PACSIN1: variants seen among roughly 807,000 people sequenced by gnomAD.
The protein encoded by PACSIN1 is protein kinase C and casein kinase substrate in neurons 1, also known as protein kinase C and casein kinase substrate in neurons protein 1.
PACSIN1 carries 15 observed loss-of-function variants against 59.5 expected under a neutral mutation model. The ratio of observed to expected loss-of-function variants is 0.25; its 90% CI spans 0.17 to 0.39. The LOEUF (loss-of-function observed/expected upper bound fraction) is 0.39. PACSIN1 is among the 10% of genes least tolerant of loss of function. The probability of loss-of-function intolerance (pLI) is 1.00; values close to 1 mark genes in which losing one functional copy is unlikely to be tolerated. For synonymous variants in PACSIN1, 210 were observed against 220.6 expected, an observed-to-expected ratio of 0.95 and a Z score of 0.42; for missense variants, 420 against 580.2, an observed-to-expected ratio of 0.72 and a Z score of 2.84.
At chr6:34,481,610 C>T (rs1392918202) in intron 1 of PACSIN1, among the ~76,000 whole-genome samples, 2 of 151,304 alleles carry the variant, frequency 1.3e-5, no homozygotes, top group African/African-American at 2.4e-5. Context: ...GTGGAGCTTG[C>T]AGTGAGCCGA....
chr6:34,520,797 G>A (rs892667655), intron 1 of PACSIN1, among the ~76,000 whole-genome samples: 2 of 152,142 alleles, frequency 1.3e-5, no homozygotes, highest in Non-Finnish European at 2.9e-5. Flanking sequence ...GGCTGACCAA[G>A]AGGAGGGAAG....
chr6:34,477,526 G>T (rs1210705485), intron 1 of PACSIN1, among the ~76,000 whole-genome samples: 1 of 152,072 alleles, frequency 6.6e-6, no homozygotes, highest in Admixed American at 6.5e-5. Flanking sequence ...AAAGATGAGG[G>T]CCCCTGAGGG....
rs4713808 is a variant in PACSIN1, at chr6:34,515,238, T to C, written c.-63-11005T>C. On this transcript the variant is annotated intron_variant, in intron 1 of 9. Coordinates refer to ENST00000244458, the MANE Select transcript of PACSIN1 (RefSeq NM_020804.5). The surrounding 1 kb of genome is among the most constrained non-coding windows in gnomAD (Gnocchi z 4.4). ...GCGCAGCCAGCATCCTGAGAGGTCT[T>C]GTCAGAACCGTCAGAACCTTGATCC... is the stretch of plus-strand genomic sequence containing the variant. Among the ~76,000 whole-genome samples, 65,346 of 152,078 alleles carry C rather than the reference T, an allele frequency of 0.43. 15,448 individuals are homozygous for C. The highest frequency in any genetic ancestry group is 0.59 in the Middle Eastern group (172 of 294).
Position 34,521,630 on chromosome 6 carries a change from C to T in PACSIN1, c.-63-4613C>T, listed in dbSNP as rs1581982790. Among the ~76,000 whole-genome samples the T allele has an allele frequency of 6.6e-6, 1 of 152,290 alleles. No homozygotes were observed. The highest frequency in any genetic ancestry group is 2.4e-5 in the African/African-American group (1 of 41,560). On this transcript the variant is annotated intron_variant, in intron 1 of 9. Transcript: ENST00000244458. The surrounding 1 kb of genome is among the most constrained non-coding windows in gnomAD (Gnocchi z 4.3). ...TGCACTTCACAGGCTGCATCATCCT[C>T]ATGGACAAGAAAGGCAAGACCCTTC...
chr6:34,528,334 C>A (rs1159428915), intron 3 of PACSIN1, among the ~76,000 whole-genome samples: 1 of 152,192 alleles, frequency 6.6e-6, no homozygotes. Context: ...TCCAGGCTGC[C>A]CCCCTCCGAC....
rs909105929 is a variant in PACSIN1, at chr6:34,525,120, T to C, written c.-63-1123T>C. Among the ~76,000 whole-genome samples, 1 of 152,222 alleles carries C rather than the reference T, an allele frequency of 6.6e-6. No individual in the cohort carries two copies. Among genetic ancestry groups the C allele is most frequent in the African/African-American group, 2.4e-5 (1 of 41,446 alleles). On this transcript the variant is annotated intron_variant, in intron 1 of 9. Transcript: ENST00000244458. The surrounding 1 kb of genome is among the most constrained non-coding windows in gnomAD (Gnocchi z 4.9). ...AAGTTAAGAAAAGAAAAATTCAGAC[T>C]CATTTCTTTGTCCCTTGATGAAATC...
chr6:34,489,641 A>G (rs115679811), intron 1 of PACSIN1, among the ~76,000 whole-genome samples: 5 of 152,270 alleles, frequency 3.3e-5, no homozygotes, highest in African/African-American at 1.2e-4. Flanking sequence ...GGGACCAGTG[A>G]GACTACCACT....
Position 34,513,919 on chromosome 6 carries a change from C to T in PACSIN1, c.-63-12324C>T, listed in dbSNP as rs79027275. ...CTTCTACTCCCATCCCTGAACCCTGCTCATGAGGCTAGCACCAGGGCTTGT... is the reference window on the plus strand; with the variant it reads ...CTTCTACTCCCATCCCTGAACCCTGTTCATGAGGCTAGCACCAGGGCTTGT... On this transcript the variant is annotated intron_variant, in intron 1 of 9. Transcript: ENST00000244458. 6.8e-3 allele frequency among the ~76,000 whole-genome samples: 1,032 copies of T among 152,290 alleles called. 13 individuals are homozygous for T. Among genetic ancestry groups the T allele is most frequent in the African/African-American group, 0.02 (825 of 41,540 alleles).
At chr6:34,476,515 G>T (rs1561955172) in intron 1 of PACSIN1, among the ~76,000 whole-genome samples, 1 of 152,056 alleles carries the variant, frequency 6.6e-6, no homozygotes, top group Non-Finnish European at 1.5e-5. Context: ...TGCTCCCCAG[G>T]TGTTGGATGA....
intron 1 of PACSIN1, among the ~76,000 whole-genome samples, chr6:34,523,100 T>C (rs1767425358): frequency 6.6e-6 from 1 of 152,216 alleles, no homozygotes; most frequent in Non-Finnish European, 1.5e-5. Flanking sequence ...ATCATCACAC[T>C]GAGCAACCTT....
rs1470546134 is a variant in PACSIN1 at position 34,528,841 on chromosome 6, C to T, written c.420C>T (p.Arg140=). Residue 140 remains arginine (R), a synonymous_variant, in exon 4 of 10, where the codon CGC becomes CGT. Transcript: ENST00000244458. ...KETKEAEDGF[R]KAQKPWAKKM... is the part of the protein sequence containing the mutation. ...CGAAGGAGGCTGAAGATGGCTTCCGCAAGGCCCAGAAGCCTTGGGCCAAGA... is the reference window on the plus strand; with the variant it reads ...CGAAGGAGGCTGAAGATGGCTTCCGTAAGGCCCAGAAGCCTTGGGCCAAGA... 1 of 1,566,432 alleles carries T rather than the reference C, an allele frequency of 6.4e-7. No homozygotes were observed. Among genetic ancestry groups the T allele is most frequent in the Non-Finnish European group, 8.7e-7 (1 of 1,152,378 alleles).
At chr6:34,469,361 G>A (rs926139771) in intron 1 of PACSIN1, among the ~76,000 whole-genome samples, 10 of 152,172 alleles carry the variant, frequency 6.6e-5, no homozygotes, top group African/African-American at 2.2e-4. Context: ...TGGGCACTTC[G>A]TAACTGATTT....
intron 1 of PACSIN1, among the ~76,000 whole-genome samples, chr6:34,469,139 C>T (rs1308340360): frequency 2.6e-5 from 4 of 151,720 alleles, no homozygotes; most frequent in Non-Finnish European, 5.9e-5. Flanking sequence ...GGGGGGCCCT[C>T]CCTGGGGAAC....
intron 1 of PACSIN1, among the ~76,000 whole-genome samples, chr6:34,494,598 C>A (rs921178887): frequency 6.6e-6 from 1 of 152,068 alleles, no homozygotes; most frequent in Non-Finnish European, 1.5e-5. Flanking sequence ...GTGCACCCCC[C>A]ATGCCTGGCT....
intron 1 of PACSIN1, among the ~76,000 whole-genome samples, chr6:34,508,822 C>T (rs1475752331): frequency 6.6e-6 from 1 of 152,130 alleles, no homozygotes; most frequent in Non-Finnish European, 1.5e-5. Context: ...TGTATGCCTT[C>T]TTTGGAGAAA....
intron 1 of PACSIN1, among the ~76,000 whole-genome samples, chr6:34,482,147 C>T (rs547195219): frequency 6.6e-6 from 1 of 152,186 alleles, no homozygotes; most frequent in Non-Finnish European, 1.5e-5. Context: ...AGTGCAATGG[C>T]GTGACCTCGG....
Position 34,481,341 on chromosome 6 carries a change from C to T in PACSIN1, c.-64+15071C>T, listed in dbSNP as rs112404423. 2.2e-3 allele frequency among the ~76,000 whole-genome samples: 332 copies of T among 152,284 alleles called. 1 individual carries two copies. Among genetic ancestry groups the T allele is most frequent in the African/African-American group, 7.7e-3 (319 of 41,566 alleles). On this transcript the variant is annotated intron_variant, in intron 1 of 9. Transcript: ENST00000244458. ...CTGGGATTACATGTGCAAGCCACCG[C>T]GCCTGGCTTCTGACATCTTTTTCAT... is the stretch of plus-strand genomic sequence containing the variant.
In PACSIN1 at chr6:34,530,682, A is replaced by C; in HGVS notation, c.1037+95A>C. ...CAGAAGACAAGAAATGGTCTAGATC[A>C]TAGCAACTATGTCTCCTCTCTAAAA... On this transcript the variant is annotated intron_variant, in intron 8 of 9. Transcript: ENST00000244458. This position sits in a 1 kb window ranked among gnomAD's most constrained non-coding sequence, Gnocchi z 4.4. The C allele has an allele frequency of 1.6e-6, 2 of 1,251,334 alleles. No individual in the cohort carries two copies. The highest frequency in any genetic ancestry group is 1.9e-5 in the South Asian group (1 of 52,164). 77.5% of individuals were successfully genotyped at this position (1,251,334 alleles called of 1,614,324 possible). A position where few individuals can be genotyped will look rare whatever the true frequency, so the allele number is the denominator to read the frequency against.
intron 1 of PACSIN1, among the ~76,000 whole-genome samples, chr6:34,493,351 A>G (rs759810261): frequency 6.6e-6 from 1 of 152,198 alleles, no homozygotes; most frequent in Non-Finnish European, 1.5e-5. Flanking sequence ...GGGGGCTACT[A>G]TGAATATGGT....
Sources: allele counts gnomAD v4.1 joint callset (sites outside exome capture counted in the v4.1 genomes callset), GRCh38; gene constraint gnomAD v4.1.1; non-coding constraint Gnocchi (gnomAD v3.1); transcripts MANE v1.5; gene names NCBI Gene and HGNC (gene_info 2026-07-23, HGNC 2026-07-21).